Variants in PAPPA observed in about 807,000 individuals in gnomAD.
PAPPA encodes pappalysin 1.
A neutral mutation model predicts 164.0 loss-of-function variants in PAPPA; 60 were observed. That is an observed-to-expected ratio of 0.37 (90% CI 0.30 to 0.45). The LOEUF is 0.45. Ranked by LOEUF, PAPPA falls within the 20% of genes least tolerant of loss-of-function variation. PAPPA has a pLI of 1.00. For synonymous variants in PAPPA, 875 were observed against 814.1 expected (o/e 1.07, Z -1.27); for missense variants, 1,782 against 2,087.3 (o/e 0.85, Z 2.85).
Position 116,211,737 on chromosome 9 carries a change from C to T in PAPPA, c.1723C>T (p.Arg575Ter), listed in dbSNP as rs143947880. Residue 575 changes from arginine (R) to a stop codon, truncating the protein, a stop_gained, in exon 4 of 22, where the codon CGA becomes TGA. Transcript: ENST00000328252. LOFTEE classifies it high-confidence loss of function. ...CAGCCTGGGCCTCTATCACGTCTTC[C>T]GAGGCATCTCAGAAATCCAGTCCTG... ...GHSLGLYHVF[R>*]GISEIQSCSD... is the part of the protein sequence containing the mutation. The T allele has an allele frequency of 4.3e-6, 7 of 1,614,032 alleles. No individual in the cohort carries two copies. The highest frequency in any genetic ancestry group is 5.9e-6 in the Non-Finnish European group (7 of 1,179,940).
intron 19 of PAPPA, among the ~76,000 whole-genome samples, chr9:116,368,441 C>T (rs769792544): frequency 7.9e-5 from 12 of 152,226 alleles, no homozygotes; most frequent in Non-Finnish European, 1.6e-4. Flanking sequence ...GAACCCAAAC[C>T]TGAGTCTGAG....
chr9:116,308,732 C>T (rs1006633797), intron 10 of PAPPA, among the ~76,000 whole-genome samples: 11 of 152,298 alleles, frequency 7.2e-5, no homozygotes, highest in African/African-American at 2.2e-4. Context: ...CTCTAATACC[C>T]AAAATACTGC....
chr9:116,386,746 A>C (rs1846818987), intron 21 of PAPPA, among the ~76,000 whole-genome samples: 1 of 152,174 alleles, frequency 6.6e-6, no homozygotes, highest in African/African-American at 2.4e-5. Flanking sequence ...ATGAGCCCAG[A>C]CTGCCAGGGA....
chr9:116,321,809 G>C (rs1476815530), intron 10 of PAPPA, among the ~76,000 whole-genome samples: 1 of 152,220 alleles, frequency 6.6e-6, no homozygotes, highest in African/African-American at 2.4e-5. Flanking sequence ...GAAAAGGAAA[G>C]AGAAGTCAGG....
intron 20 of PAPPA, among the ~76,000 whole-genome samples, chr9:116,380,097 T>C (rs1308889907): frequency 6.6e-6 from 1 of 152,218 alleles, no homozygotes; most frequent in Non-Finnish European, 1.5e-5. Context: ...AAACCTCTTC[T>C]CCATAGCTCT....
At chr9:116,379,043 A>C (rs967640539) in intron 20 of PAPPA, among the ~76,000 whole-genome samples, 11 of 152,198 alleles carry the variant, frequency 7.2e-5, no homozygotes, top group African/African-American at 2.7e-4. Context: ...TTGGGAAAAG[A>C]AAGCTTGAGT....
chr9:116,217,689 C>T (rs1218324461), intron 4 of PAPPA, among the ~76,000 whole-genome samples: 2 of 152,044 alleles, frequency 1.3e-5, no homozygotes, highest in Non-Finnish European at 2.9e-5. Context: ...TTCCAATTCC[C>T]ATGTACTAAC....
intron 21 of PAPPA, among the ~76,000 whole-genome samples, chr9:116,391,711 T>C (rs1340907923): frequency 6.6e-6 from 1 of 152,216 alleles, no homozygotes; most frequent in African/African-American, 2.4e-5. Flanking sequence ...CCCTTAATCA[T>C]GGACCTGGCT....
intron 1 of PAPPA, among the ~76,000 whole-genome samples, chr9:116,159,611 G>A (rs1050158246): frequency 4.6e-5 from 7 of 152,132 alleles, no homozygotes; most frequent in Non-Finnish European, 1.0e-4. Flanking sequence ...TCCAGAAAAG[G>A]AAGCCACACA....
chr9:116,284,418 TC>T (rs1156391453), intron 9 of PAPPA, among the ~76,000 whole-genome samples: 2 of 152,144 alleles, frequency 1.3e-5, no homozygotes, highest in Non-Finnish European at 2.9e-5. Flanking sequence ...TTTCTGACCA[TC>T]CCTCCACAGA....
chr9:116,301,655 C>T (rs1213847184), intron 9 of PAPPA, among the ~76,000 whole-genome samples: 1 of 152,234 alleles, frequency 6.6e-6, no homozygotes, highest in Admixed American at 6.5e-5. Flanking sequence ...AAGTGAGAAT[C>T]ATTGCAGCCG....
chr9:116,271,258 C>T lies in PAPPA; in HGVS notation c.2862-67C>T, dbSNP rs776951430. 3.5e-6 allele frequency: 4 copies of T among 1,126,902 alleles called. No homozygotes were observed. The highest frequency in any genetic ancestry group is 1.5e-5 in the African/African-American group (1 of 65,490). 69.8% of individuals were successfully genotyped at this position (1,126,902 alleles called of 1,614,324 possible). On this transcript the variant is annotated intron_variant, in intron 8 of 21. Coordinates refer to ENST00000328252, the MANE Select transcript of PAPPA (RefSeq NM_002581.5). This position sits in a 1 kb window ranked among gnomAD's most constrained non-coding sequence, Gnocchi z 4.2. ...TGAAGGTTCATGGCCCAGGGAGGGACTTTTCCATGTCCAGCCATGGTTTTA... is the reference window on the plus strand; with the variant it reads ...TGAAGGTTCATGGCCCAGGGAGGGATTTTTCCATGTCCAGCCATGGTTTTA...
At chr9:116,260,018 A>G (rs1844982467) in intron 7 of PAPPA, among the ~76,000 whole-genome samples, 2 of 152,324 alleles carry the variant, frequency 1.3e-5, no homozygotes, top group Admixed American at 6.5e-5. Context: ...ACTTGTAGCA[A>G]TATGTGTGAT....
chr9:116,371,637 C>G (rs1846575935), intron 19 of PAPPA, among the ~76,000 whole-genome samples: 1 of 151,510 alleles, frequency 6.6e-6, no homozygotes, highest in African/African-American at 2.4e-5. Context: ...GAGATGAGGT[C>G]TCACTGTGTT....
In PAPPA at chr9:116,187,993, A is replaced by T; in HGVS notation, c.1255A>T (p.Ile419Phe). The T allele has an allele frequency of 6.2e-7, 1 of 1,614,104 alleles. No homozygotes were observed. Among genetic ancestry groups the T allele is most frequent in the Non-Finnish European group, 8.5e-7 (1 of 1,180,020 alleles). ...LILANCDISK[I>F]GDENCDPECN... The stretch of plus-strand genomic sequence containing the variant: ...CCTGGCCAACTGTGACATCAGCAAG[A>T]TTGGGGATGAGAACTGTGACCCCGA... Residue 419 changes from isoleucine to phenylalanine, a missense_variant, in exon 2 of 22, where the codon ATT becomes TTT. Ile to Phe is a conservative substitution (Grantham distance 21). Coordinates refer to ENST00000328252, the MANE Select transcript of PAPPA (RefSeq NM_002581.5). This position sits in a 1 kb window ranked among gnomAD's most constrained non-coding sequence, Gnocchi z 4.2.
At position 116,347,188 on chromosome 9, in the gene PAPPA, C is replaced by T. The variant is rs149968427; in HGVS notation, c.3943C>T (p.Arg1315Cys). The change falls in exon 15 of 22, where the codon CGT becomes TGT. Residue 1315 changes from arginine (R) to cysteine (C), a missense_variant. Around this residue, in one of 2 missense-constraint regions of PAPPA, gnomAD observed 1,324 missense variants for 1,656.9 expected, o/e 0.80. Transcript: ENST00000328252. The surrounding 1 kb of genome is among the most constrained non-coding windows in gnomAD (Gnocchi z 4.5). ...TGGCAGTCAATGTTCCTTCCAGTGCCGTCACCCTGCACAATTGAAAGGTAT... is the reference window on the plus strand; with the variant it reads ...TGGCAGTCAATGTTCCTTCCAGTGCTGTCACCCTGCACAATTGAAAGGTAT... ...TFGSQCSFQC[R>C]HPAQLKGNNS... 78 of 1,612,896 alleles carry T rather than the reference C, an allele frequency of 4.8e-5. No individual in the cohort carries two copies. The African/African-American group carries it at 7.9e-4, about 16-fold the overall frequency.
At chr9:116,201,251 G>T (rs1054035951) in intron 2 of PAPPA, among the ~76,000 whole-genome samples, 1 of 152,192 alleles carries the variant, frequency 6.6e-6, no homozygotes, top group African/African-American at 2.4e-5. Context: ...GGTTTATCTT[G>T]CTTTAATGAC....
At chr9:116,352,256 C>T (rs530515587) in intron 15 of PAPPA, among the ~76,000 whole-genome samples, 3 of 152,194 alleles carry the variant, frequency 2.0e-5, no homozygotes, top group African/African-American at 7.2e-5. Flanking sequence ...GGTGCTGGGC[C>T]CAGGGGGAGA....
rs765950747 is a variant in PAPPA, at chr9:116,347,073, G to A, written c.3828G>A (p.Lys1276=). 1 of 1,614,146 alleles carries A rather than the reference G, an allele frequency of 6.2e-7. No homozygotes were observed. Among genetic ancestry groups the A allele is most frequent in the Non-Finnish European group, 8.5e-7 (1 of 1,180,012 alleles). ...CCTGTACAGAGGGCAAGTGGAATAA[G>A]CAGGTGGCCTGTGAGCCAGTCGACT... The part of the protein sequence containing the change: ...TVTCTEGKWN[K]QVACEPVDCS... Residue 1276 remains lysine, a synonymous_variant, in exon 15 of 22, where the codon AAG becomes AAA. Transcript: ENST00000328252. The surrounding 1 kb of genome is among the most constrained non-coding windows in gnomAD (Gnocchi z 4.5).
Sources: gnomAD v4.1 joint callset for allele counts (sites outside exome capture counted in the v4.1 genomes callset) on GRCh38, gnomAD v4.1.1 for gene constraint, gnomAD v4.1.1 regional missense constraint, Gnocchi (gnomAD v3.1) non-coding constraint, MANE v1.5 for transcripts, NCBI Gene and HGNC (gene_info 2026-07-23, HGNC 2026-07-21) for gene names.